The following COL11A1 variants were observed in gnomAD, a reference collection of about 807,000 sequenced individuals.
COL11A1 encodes the protein collagen alpha-1(XI) chain.
A neutral mutation model predicts 265.2 loss-of-function variants in COL11A1; 74 were observed. The observed-to-expected ratio is 0.28, with a 90% CI of 0.23 to 0.34. COL11A1 has a LOEUF of 0.34. Among genes scored for constraint, COL11A1 ranks in the 10% least tolerant of loss-of-function variants. COL11A1 has a pLI of 1.00. For missense variants in COL11A1, 2,165 were observed against 2,263.6 expected, an observed-to-expected ratio of 0.96 and a Z score of 0.88; for synonymous variants, 816 against 727.6, an observed-to-expected ratio of 1.12 and a Z score of -1.96.
At chr1:103,023,981 A>G (rs564783514) in intron 7 of COL11A1, among the ~76,000 whole-genome samples, 4 of 152,332 alleles carry the variant, frequency 2.6e-5, no homozygotes, top group Admixed American at 6.5e-5. Context: ...AATTATGTCA[A>G]TAATACTTCC....
At chr1:103,103,414 T>C (rs1674442996) in intron 1 of COL11A1, among the ~76,000 whole-genome samples, 1 of 152,024 alleles carries the variant, frequency 6.6e-6, no homozygotes, top group African/African-American at 2.4e-5. Flanking sequence ...AACTATGTTC[T>C]TAATCCAGCA....
chr1:102,883,619 C>A (rs1650549139), intron 63 of COL11A1, among the ~76,000 whole-genome samples: 1 of 152,098 alleles, frequency 6.6e-6, no homozygotes, highest in African/African-American at 2.4e-5. Flanking sequence ...TTCCATTTAT[C>A]CCTGTGTAAT....
intron 4 of COL11A1, among the ~76,000 whole-genome samples, chr1:103,054,268 C>T (rs1670051639): frequency 6.6e-6 from 1 of 152,192 alleles, no homozygotes; most frequent in African/African-American, 2.4e-5. Context: ...TAAAAAGCCA[C>T]AGCTACATTG....
intron 51 of COL11A1, 35 bp from the exon 52 acceptor site, chr1:102,914,440 G>A (rs1268564562): frequency 6.4e-7 from 1 of 1,553,402 alleles, no homozygotes; most frequent in Non-Finnish European, 8.8e-7. Flanking sequence ...AGAAATAAAT[G>A]AAAAATAAAT....
intron 24 of COL11A1, among the ~76,000 whole-genome samples, chr1:102,999,825 T>G (rs1664952255): frequency 6.6e-6 from 1 of 151,914 alleles, no homozygotes; most frequent in Non-Finnish European, 1.5e-5. Context: ...ATCATAGTTA[T>G]CATTAAAAAC....
At chr1:102,900,016 G>T (rs1395848989) in intron 54 of COL11A1, among the ~76,000 whole-genome samples, 1 of 152,038 alleles carries the variant, frequency 6.6e-6, no homozygotes, top group Non-Finnish European at 1.5e-5. Context: ...TGTAATATCA[G>T]TATAGCAAAA....
At chr1:103,005,939 C>T in intron 17 of COL11A1, 48 bp from the exon 18 acceptor site, 1 of 1,612,616 alleles carries the variant, frequency 6.2e-7, no homozygotes, top group Non-Finnish European at 8.5e-7. Flanking sequence ...ATCACAATTC[C>T]AGTCTAGATA....
At chr1:103,101,617 G>A (rs1674278011) in intron 1 of COL11A1, among the ~76,000 whole-genome samples, 2 of 151,810 alleles carry the variant, frequency 1.3e-5, no homozygotes, top group African/African-American at 4.8e-5. Context: ...AACAGAGGAA[G>A]GAAGCTTCCC....
In COL11A1 at chr1:102,967,227, C is replaced by CTTTTTTTTTTTTT. The variant is rs35303945; in HGVS notation, c.2863-1700_2863-1688dup. On this transcript the variant is annotated intron_variant, in intron 37 of 66. Transcript: ENST00000370096. ...CCCACAAAACCAAACATAATAAATTCTTTTTTTTTTTTTTTTTTTTTTTTT... is the reference window on the plus strand; with the variant it reads ...CCCACAAAACCAAACATAATAAATTCTTTTTTTTTTTTTTTTTTTTTTTTTTTTTTTTTTTTTT... Among the ~76,000 whole-genome samples, 397 of 52,762 alleles carry CTTTTTTTTTTTTT rather than the reference C, an allele frequency of 7.5e-3. 138 individuals are homozygous for CTTTTTTTTTTTTT. Among genetic ancestry groups the CTTTTTTTTTTTTT allele is most frequent in the Non-Finnish European group, 8.0e-3 (255 of 32,002 alleles). The allele number at this position is 52,762 out of a possible 152,430, so 34.6% of individuals were successfully genotyped here.
Position 102,877,794 on chromosome 1 carries a change from C to G in COL11A1, c.*225G>C, listed in dbSNP as rs562983295. 6.7e-5 allele frequency: 30 copies of G among 450,444 alleles called. No homozygotes were observed. Among genetic ancestry groups the G allele is most frequent in the Middle Eastern group, 6.2e-4 (1 of 1,616 alleles). The allele number at this position is 450,444 out of a possible 1,614,324, so 27.9% of individuals were successfully genotyped here. A position where few individuals can be genotyped will look rare whatever the true frequency, so the allele number is the denominator to read the frequency against. On this transcript the variant is annotated 3_prime_UTR_variant, in exon 67 of 67. Coordinates refer to ENST00000370096, the MANE Select transcript of COL11A1 (RefSeq NM_001854.4). Reference sequence around the variant, plus strand: ...GAGTTGAGAATTGGGAATCAAGAATCAGCCCTGTTTCCATCTTAGCCACAC... The same window carrying G: ...GAGTTGAGAATTGGGAATCAAGAATGAGCCCTGTTTCCATCTTAGCCACAC...
At chr1:103,107,282 C>T in intron 1 of COL11A1, among the ~76,000 whole-genome samples, 1 of 151,900 alleles carries the variant, frequency 6.6e-6, no homozygotes, top group South Asian at 2.1e-4. Context: ...CACCCCCTCC[C>T]CTTCCCTCCC....
At chr1:102,976,113 G>A (rs904331993) in intron 35 of COL11A1, among the ~76,000 whole-genome samples, 2 of 151,900 alleles carry the variant, frequency 1.3e-5, no homozygotes, top group African/African-American at 4.8e-5. Flanking sequence ...TTTTGGTTAT[G>A]TAGCAAACTA....
At chr1:102,992,739 T>TA (rs1382381447) in intron 28 of COL11A1, among the ~76,000 whole-genome samples, 2 of 152,202 alleles carry the variant, frequency 1.3e-5, no homozygotes, top group East Asian at 3.9e-4. Context: ...ATAAAAGCTA[T>TA]AGCTGAAAAA....
At chr1:103,076,034 A>T (rs1206854084) in intron 3 of COL11A1, among the ~76,000 whole-genome samples, 1 of 152,158 alleles carries the variant, frequency 6.6e-6, no homozygotes, top group African/African-American at 2.4e-5. Context: ...AACAGAAAAT[A>T]AAAACAATTT....
chr1:102,951,334 T>C (rs187923003), intron 41 of COL11A1, among the ~76,000 whole-genome samples: 117 of 152,344 alleles, frequency 7.7e-4, no homozygotes, highest in Non-Finnish European at 1.1e-3. Flanking sequence ...ATATATTGAC[T>C]GTATGCATTA....
intron 46 of COL11A1, among the ~76,000 whole-genome samples, chr1:102,931,933 T>A (rs968047484): frequency 6.6e-6 from 1 of 151,470 alleles, no homozygotes; most frequent in Non-Finnish European, 1.5e-5. Context: ...TTTTTTGTTT[T>A]CCATTTGCTT....
At chr1:103,023,226 C>A (rs966465761) in intron 7 of COL11A1, among the ~76,000 whole-genome samples, 2 of 152,104 alleles carry the variant, frequency 1.3e-5, no homozygotes, top group African/African-American at 4.8e-5. Context: ...CAATAAACTG[C>A]AAATATTCAC....
intron 4 of COL11A1, among the ~76,000 whole-genome samples, chr1:103,037,255 TGTGTG>T (rs767805541): frequency 0.21 from 5,523 of 26,026 alleles, 120 homozygotes; most frequent in East Asian, 0.44. Flanking sequence ...ATTTAGATTG[TGTGTG>T]TGTGTGTGTG....
At chr1:103,091,926 G>T (rs1673355594) in intron 1 of COL11A1, among the ~76,000 whole-genome samples, 1 of 152,026 alleles carries the variant, frequency 6.6e-6, no homozygotes, top group African/African-American at 2.4e-5. Context: ...CACATAACAA[G>T]CCTATTAGTA....
Sources: gnomAD v4.1 joint callset for allele counts (sites outside exome capture counted in the v4.1 genomes callset) on GRCh38, gnomAD v4.1.1 for gene constraint, MANE v1.5 for transcripts, NCBI Gene and HGNC (gene_info 2026-07-23, HGNC 2026-07-21) for gene names.